Variants in EIPR1 observed in about 807,000 individuals in gnomAD.
EIPR1 encodes the protein EARP complex and GARP complex interacting protein 1, also known as EARP and GARP complex-interacting protein 1.
Under a neutral mutation model 48.1 loss-of-function variants are expected in EIPR1, and 25 were observed. That is an observed-to-expected ratio of 0.52 (90% CI 0.38 to 0.73). The LOEUF is 0.73. Ranked by LOEUF, EIPR1 falls within the 30% of genes least tolerant of loss-of-function variation. The pLI is 0.00. For missense variants in EIPR1, 415 were observed against 506.2 expected, an observed-to-expected ratio of 0.82 and a Z score of 1.73; for synonymous variants, 204 against 201.9, an observed-to-expected ratio of 1.01 and a Z score of -0.09.
At chr2:3,350,945 CA>C (rs11344032) in intron 2 of EIPR1, among the ~76,000 whole-genome samples, 21,069 of 121,926 alleles carry the variant, frequency 0.17, 1,262 homozygotes, top group Non-Finnish European at 0.19. Context: ...TACTTCGTTC[CA>C]AAAAAAAAAA....
At chr2:3,257,198 C>T (rs1292392861) in intron 4 of EIPR1, 101 bp downstream of exon 4, 17 of 1,303,362 alleles carry the variant, frequency 1.3e-5, no homozygotes, top group Admixed American at 2.6e-5. Flanking sequence ...GGAGCGTTTC[C>T]GAGGTGTGGA....
intron 2 of EIPR1, among the ~76,000 whole-genome samples, chr2:3,351,652 A>C (rs1670581707): frequency 1.3e-5 from 2 of 152,126 alleles, no homozygotes; most frequent in South Asian, 4.2e-4. Flanking sequence ...ACTGGTAACT[A>C]TTTTTATAAA....
intron 3 of EIPR1, among the ~76,000 whole-genome samples, chr2:3,259,538 G>C (rs1667263654): frequency 6.6e-6 from 1 of 152,160 alleles, no homozygotes; most frequent in Admixed American, 6.5e-5. Context: ...GGTTCATGTA[G>C]CGCTATTCAC....
At chr2:3,230,352 T>G (rs927822508) in intron 4 of EIPR1, among the ~76,000 whole-genome samples, 2 of 152,258 alleles carry the variant, frequency 1.3e-5, no homozygotes, top group South Asian at 2.1e-4. Context: ...TGTGGGTGTG[T>G]GTGGGGAAAT....
chr2:3,358,252 G>T (rs934231084), intron 1 of EIPR1, among the ~76,000 whole-genome samples: 4 of 152,244 alleles, frequency 2.6e-5, no homozygotes, highest in African/African-American at 9.6e-5. Flanking sequence ...GCCTAGTTTT[G>T]ACTTGGTTTC....
intron 2 of EIPR1, among the ~76,000 whole-genome samples, chr2:3,344,200 G>A (rs529381202): frequency 2.6e-5 from 4 of 152,298 alleles, no homozygotes; most frequent in South Asian, 2.1e-4. Context: ...TCACCCTGAC[G>A]GCCACCAGGC....
At chr2:3,375,851 G>C (rs992322975) in intron 1 of EIPR1, among the ~76,000 whole-genome samples, 5 of 152,226 alleles carry the variant, frequency 3.3e-5, no homozygotes, top group Admixed American at 3.3e-4. Context: ...CTGACACATA[G>C]TCCAGAGCTA....
At chr2:3,230,229 C>T (rs753144872) in intron 4 of EIPR1, among the ~76,000 whole-genome samples, 5 of 152,002 alleles carry the variant, frequency 3.3e-5, no homozygotes, top group Non-Finnish European at 7.4e-5. Flanking sequence ...AGCAATGCAA[C>T]GAATAACCAA....
chr2:3,318,741 C>A, intron 3 of EIPR1: 2 of 423,220 alleles, frequency 4.7e-6, no homozygotes, highest in Admixed American at 2.6e-5. Context: ...TCTCCTCACA[C>A]ACCGTTCCAA....
At position 3,343,214 on chromosome 2, in the gene EIPR1, AGAGT is replaced by A. The variant is rs377081739; in HGVS notation, c.127-5069_127-5066del. Among the ~76,000 whole-genome samples the A allele has an allele frequency of 5.8e-3, 890 of 152,328 alleles. 7 individuals are homozygous for A. Among genetic ancestry groups the A allele is most frequent in the African/African-American group, 0.021 (857 of 41,582 alleles). ...GCACTCTGCAGGGCGGCAGCAAGCC[AGAGT>A]GAGAGGCAGCTCCCAGCTGGAGGGA... On this transcript the variant is annotated intron_variant, in intron 2 of 8. Coordinates refer to ENST00000382125, the MANE Select transcript of EIPR1 (RefSeq NM_003310.5).
chr2:3,338,405 G>A (rs916806980), intron 2 of EIPR1, among the ~76,000 whole-genome samples: 12 of 152,200 alleles, frequency 7.9e-5, no homozygotes, highest in African/African-American at 2.9e-4. Context: ...GTCATATCCA[G>A]TCTTAAAGAA....
chr2:3,296,207 C>CTG (rs2103285634), intron 3 of EIPR1, among the ~76,000 whole-genome samples: 1 of 139,898 alleles, frequency 7.1e-6, no homozygotes, highest in Non-Finnish European at 1.5e-5. Flanking sequence ...AGCCCATCCT[C>CTG]TCTACACAGA....
chr2:3,237,750 C>G (rs1035913719), intron 4 of EIPR1, among the ~76,000 whole-genome samples: 11 of 152,222 alleles, frequency 7.2e-5, no homozygotes, highest in Non-Finnish European at 1.6e-4. Flanking sequence ...GTGCCTGCAT[C>G]TCTCTGAGCC....
chr2:3,368,252 G>C (rs1458591506), intron 1 of EIPR1, among the ~76,000 whole-genome samples: 1 of 152,160 alleles, frequency 6.6e-6, no homozygotes, highest in East Asian at 1.9e-4. Flanking sequence ...AGAACAGAAA[G>C]GAGGCACGCA....
Position 3,189,658 on chromosome 2 carries a change from G to T in EIPR1, c.990-150C>A. 1 of 728,138 alleles carries T rather than the reference G, an allele frequency of 1.4e-6. No individual in the cohort carries two copies. Among genetic ancestry groups the T allele is most frequent in the Admixed American group, 3.3e-5 (1 of 30,504 alleles). 45.1% of individuals were successfully genotyped at this position (728,138 alleles called of 1,614,324 possible). The stretch of plus-strand genomic sequence containing the variant: ...CTGTGGGATGGGAAGAATTAGAGGA[G>T]CCCACACCGAGGACGGTGGGGTGGT... On this transcript the variant is annotated intron_variant, in intron 8 of 8. Transcript: ENST00000382125. This position sits in a 1 kb window ranked among gnomAD's most constrained non-coding sequence, Gnocchi z 4.6.
At chr2:3,311,136 A>C (rs1161143793) in intron 3 of EIPR1, among the ~76,000 whole-genome samples, 3 of 152,194 alleles carry the variant, frequency 2.0e-5, no homozygotes. Flanking sequence ...AGACAAGGTT[A>C]CTACTTACTT....
At chr2:3,356,116 C>T (rs953647576) in intron 1 of EIPR1, among the ~76,000 whole-genome samples, 1 of 152,246 alleles carries the variant, frequency 6.6e-6, no homozygotes, top group African/African-American at 2.4e-5. Context: ...CAATGGGGAG[C>T]TCTGGAGCCG....
At chr2:3,276,940 T>C (rs974918586) in intron 3 of EIPR1, among the ~76,000 whole-genome samples, 17 of 152,216 alleles carry the variant, frequency 1.1e-4, no homozygotes, top group Admixed American at 5.2e-4. Flanking sequence ...ATGTTTTGAG[T>C]AATGCCTTAA....
intron 3 of EIPR1, among the ~76,000 whole-genome samples, chr2:3,272,484 T>C (rs2694082): frequency 0.68 from 104,124 of 152,088 alleles, 36,010 homozygotes; most frequent in East Asian, 0.81. Flanking sequence ...GGGTTATTAA[T>C]TGGCCTGACT....
Sources: allele counts gnomAD v4.1 joint callset (sites outside exome capture counted in the v4.1 genomes callset), GRCh38; gene constraint gnomAD v4.1.1; non-coding constraint Gnocchi (gnomAD v3.1); transcripts MANE v1.5; gene names NCBI Gene and HGNC (gene_info 2026-07-23, HGNC 2026-07-21).